Variants in SCFD2 observed in about 807,000 individuals in gnomAD.
SCFD2 encodes sec1 family domain-containing protein 2.
Under a neutral mutation model 58.9 loss-of-function variants are expected in SCFD2, and 54 were observed. The observed-to-expected ratio is 0.92, with a 90% CI of 0.74 to 1.15. The LOEUF is 1.15. Among genes scored for constraint, SCFD2 ranks in the 50% most tolerant of loss-of-function variants. The pLI is 0.00. For missense variants in SCFD2, 805 were observed against 836.6 expected (o/e 0.96, Z 0.47); for synonymous variants, 321 against 335.9 (o/e 0.96, Z 0.49).
At chr4:53,248,328 T>C (rs1730191045) in intron 4 of SCFD2, among the ~76,000 whole-genome samples, 1 of 152,110 alleles carries the variant, frequency 6.6e-6, no homozygotes, top group African/African-American at 2.4e-5. Context: ...AACTGCAAGG[T>C]GGCAGCGAGG....
At position 53,191,789 on chromosome 4, in the gene SCFD2, T is replaced by A. The variant is rs575665998; in HGVS notation, c.1312-46207A>T. ...CACTTTGTGACTGCAAAAAGGTTTG[T>A]CTATTGGAAAAACAGAAAGCACCAA... On this transcript the variant is annotated intron_variant, in intron 4 of 8. Transcript: ENST00000401642. 3.3e-5 allele frequency among the ~76,000 whole-genome samples: 5 copies of A among 152,300 alleles called. No individual in the cohort carries two copies. The East Asian group carries it at 7.7e-4, about 24-fold the overall frequency.
rs540868718 is a variant in SCFD2 at position 53,098,655 on chromosome 4, C to A, written c.1561+46678G>T. ...TCTGGAAAGCTCTTCCCCTAGATAG[C>A]CACTTGGTTATCTCCTCAGTACTTT... On this transcript the variant is annotated intron_variant, in intron 5 of 8. Coordinates refer to ENST00000401642, the MANE Select transcript of SCFD2 (RefSeq NM_152540.4). 3.2e-4 allele frequency among the ~76,000 whole-genome samples: 49 copies of A among 152,174 alleles called. 1 individual carries two copies. In the East Asian group the frequency reaches 9.3e-3, roughly 29 times the overall value.
chr4:52,885,503 A>T (rs1330656390), intron 8 of SCFD2, among the ~76,000 whole-genome samples: 1 of 152,080 alleles, frequency 6.6e-6, no homozygotes, highest in South Asian at 2.1e-4. Context: ...GTCATGATAG[A>T]CTTTATCAAA....
intron 4 of SCFD2, among the ~76,000 whole-genome samples, chr4:53,146,904 C>A (rs1475022141): frequency 6.6e-6 from 1 of 152,146 alleles, no homozygotes; most frequent in Non-Finnish European, 1.5e-5. Context: ...ATACAGGATT[C>A]AGGACTATGG....
At chr4:53,307,491 T>A (rs972628105) in intron 3 of SCFD2, among the ~76,000 whole-genome samples, 1 of 152,170 alleles carries the variant, frequency 6.6e-6, no homozygotes, top group East Asian at 1.9e-4. Context: ...CCTTGCTTAC[T>A]TGCTATGTAA....
At chr4:53,271,240 G>A (rs970453746) in intron 4 of SCFD2, among the ~76,000 whole-genome samples, 1 of 151,646 alleles carries the variant, frequency 6.6e-6, no homozygotes, top group Non-Finnish European at 1.5e-5. Flanking sequence ...TATATAACAG[G>A]AGACATATTC....
chr4:52,999,196 C>A (rs924661475), intron 5 of SCFD2, among the ~76,000 whole-genome samples: 1 of 152,152 alleles, frequency 6.6e-6, no homozygotes, highest in Admixed American at 6.5e-5. Context: ...TAATTAGCAC[C>A]CTGATTGCCT....
chr4:53,284,290 C>A (rs1213349400), intron 3 of SCFD2, among the ~76,000 whole-genome samples: 1 of 151,408 alleles, frequency 6.6e-6, no homozygotes, highest in Non-Finnish European at 1.5e-5. Flanking sequence ...TATGCACTTT[C>A]ATTTTTCTTA....
chr4:53,237,976 C>G (rs1328561415), intron 4 of SCFD2, among the ~76,000 whole-genome samples: 68 of 105,396 alleles, frequency 6.5e-4, no homozygotes, highest in Admixed American at 1.5e-3. Context: ...ACCTCCCTCC[C>G]GGACGGGGCG....
intron 4 of SCFD2, among the ~76,000 whole-genome samples, chr4:53,190,439 T>C (rs1330968454): frequency 6.6e-6 from 1 of 152,162 alleles, no homozygotes; most frequent in Admixed American, 6.6e-5. Flanking sequence ...CTATAACCTC[T>C]GCCAATAGAT....
intron 4 of SCFD2, among the ~76,000 whole-genome samples, chr4:53,178,710 G>A (rs1197705063): frequency 3.3e-5 from 5 of 152,142 alleles, no homozygotes; most frequent in Admixed American, 2.0e-4. Flanking sequence ...CGAGCTACAG[G>A]AGGAAATTCA....
chr4:53,149,762 A>G (rs1417801989), intron 4 of SCFD2, among the ~76,000 whole-genome samples: 2 of 152,180 alleles, frequency 1.3e-5, no homozygotes, highest in African/African-American at 4.8e-5. Flanking sequence ...CCTTTCCAGT[A>G]TCTTCCCCAG....
chr4:53,267,400 T>C (rs1259061226), intron 4 of SCFD2, among the ~76,000 whole-genome samples: 1 of 152,230 alleles, frequency 6.6e-6, no homozygotes, highest in Non-Finnish European at 1.5e-5. Flanking sequence ...AAAGTAAGCA[T>C]GTCCATAAAC....
chr4:53,361,219 C>A (rs1363266319), intron 1 of SCFD2, among the ~76,000 whole-genome samples: 2 of 152,166 alleles, frequency 1.3e-5, no homozygotes, highest in Non-Finnish European at 2.9e-5. Context: ...TGAACTTTGA[C>A]ATTTACAGAA....
chr4:53,005,099 T>C (rs1457702156), intron 5 of SCFD2, among the ~76,000 whole-genome samples: 1 of 152,140 alleles, frequency 6.6e-6, no homozygotes, highest in African/African-American at 2.4e-5. Context: ...GGTTTCACTA[T>C]GTTAGCCAGG....
At chr4:53,103,789 AAGGCATGGGGTAGGGGATGGGAG>A in intron 5 of SCFD2, among the ~76,000 whole-genome samples, 1 of 146,284 alleles carries the variant, frequency 6.8e-6, no homozygotes, top group African/African-American at 2.5e-5. Context: ...AAAAAAAAAA[AAGGCATGGGGTAGGGGATGGGAG>A]AAAAGAAAAA....
At chr4:53,267,205 G>T (rs1731015470) in intron 4 of SCFD2, among the ~76,000 whole-genome samples, 1 of 152,050 alleles carries the variant, frequency 6.6e-6, no homozygotes, top group South Asian at 2.1e-4. Flanking sequence ...AGTCTCCCAA[G>T]ACATAAACAA....
At chr4:53,327,087 A>G (rs1340847746) in intron 2 of SCFD2, among the ~76,000 whole-genome samples, 1 of 152,028 alleles carries the variant, frequency 6.6e-6, no homozygotes, top group Non-Finnish European at 1.5e-5. Flanking sequence ...GTCTTGATAC[A>G]GCAGCAGAGT....
At chr4:52,971,658 A>G (rs1721104035) in intron 5 of SCFD2, among the ~76,000 whole-genome samples, 1 of 152,198 alleles carries the variant, frequency 6.6e-6, no homozygotes, top group African/African-American at 2.4e-5. Flanking sequence ...TTCAGGAAAT[A>G]CAGGGAACGC....
Sources: allele counts gnomAD v4.1 joint callset (sites outside exome capture counted in the v4.1 genomes callset), GRCh38; gene constraint gnomAD v4.1.1; transcripts MANE v1.5; gene names NCBI Gene and HGNC (gene_info 2026-07-23, HGNC 2026-07-21).